The following TRIM4 variants were observed in gnomAD, a reference collection of about 807,000 sequenced individuals.
TRIM4 encodes the protein tripartite motif containing 4, also known as E3 ubiquitin-protein ligase TRIM4.
Under a neutral mutation model 33.7 loss-of-function variants are expected in TRIM4, and 29 were observed. That is an observed-to-expected ratio of 0.86 (90% CI 0.64 to 1.17). The LOEUF (loss-of-function observed/expected upper bound fraction) is 1.17. Ranked by LOEUF, TRIM4 falls within the 50% of genes most tolerant of loss-of-function variation. The pLI, the probability that TRIM4 is intolerant of heterozygous loss-of-function variation, is 0.00. For missense variants in TRIM4, 554 were observed against 593.7 expected (o/e 0.93, Z 0.69); for synonymous variants, 224 against 233.0 (o/e 0.96, Z 0.35).
At chr7:99,898,053 A>G (rs1819062874) in intron 5 of TRIM4, among the ~76,000 whole-genome samples, 1 of 152,220 alleles carries the variant, frequency 6.6e-6, no homozygotes, top group African/African-American at 2.4e-5. Context: ...TGGGCCTGCC[A>G]TGGGGCATCC....
At position 99,897,598 on chromosome 7, in the gene TRIM4, A is replaced by G. The variant is rs372624872; in HGVS notation, c.842-4852T>C. Reference sequence around the variant, plus strand: ...AAAAAAAAGAACAAAAGATTTCTCAAGTCGGTTCTTGCACTCCATGGGGGA... The same window carrying G: ...AAAAAAAAGAACAAAAGATTTCTCAGGTCGGTTCTTGCACTCCATGGGGGA... On this transcript the variant is annotated intron_variant, in intron 5 of 5. Transcript: ENST00000349062. 8.5e-5 allele frequency among the ~76,000 whole-genome samples: 13 copies of G among 152,336 alleles called. No homozygotes were observed. In the East Asian group the frequency reaches 2.1e-3, roughly 25 times the overall value.
In TRIM4 at chr7:99,919,048, G is replaced by A; in HGVS notation, c.354C>T (p.His118=). Residue 118 remains histidine (H), a synonymous_variant, in exon 1 of 6, where the codon CAC becomes CAT. Transcript: ENST00000349062. ...AGGCCTCGTCGATGGGTGCCATGGC[G>A]TGAGTCTGGTGCTCCTGGGACTCCC... ...VCRESQEHQT[H]AMAPIDEAFE... 2 of 1,581,708 alleles carry A rather than the reference G, an allele frequency of 1.3e-6. No homozygotes were observed.
rs1269388662 is a variant in TRIM4, at chr7:99,898,594, G to A, written c.841+4624C>T. 2.0e-5 allele frequency among the ~76,000 whole-genome samples: 3 copies of A among 152,284 alleles called. No individual in the cohort carries two copies. In the East Asian group the frequency reaches 5.8e-4, roughly 29 times the overall value. On this transcript the variant is annotated intron_variant, in intron 5 of 5. Transcript: ENST00000349062. ...CATTGAGACACCATTCTTACTAACTGGGAGAGTATAAAAGCCAGGCACTTC... is the reference window on the plus strand; with the variant it reads ...CATTGAGACACCATTCTTACTAACTAGGAGAGTATAAAAGCCAGGCACTTC...
In TRIM4 at chr7:99,909,736, T is replaced by G. The variant is rs547861447; in HGVS notation, c.394-76A>C. 1,236 of 1,216,798 alleles carry G rather than the reference T, an allele frequency of 1.0e-3. 5 individuals are homozygous for G. Among genetic ancestry groups the G allele is most frequent in the South Asian group, 4.5e-3 (304 of 67,464 alleles). 75.4% of individuals were successfully genotyped at this position (1,216,798 alleles called of 1,614,324 possible). On this transcript the variant is annotated intron_variant, in intron 1 of 5. Transcript: ENST00000349062. ...ATCTTCTTTTTTCTTTTTGTTTTTT[T>G]TTTTTTTTTTTTTTGAGACAAAGTC...
chr7:99,905,805 A>C (rs1229878814), intron 3 of TRIM4, among the ~76,000 whole-genome samples: 2 of 152,238 alleles, frequency 1.3e-5, no homozygotes, highest in Non-Finnish European at 2.9e-5. Context: ...TGAGCAAAAG[A>C]AGCCAGTACG....
At chr7:99,903,120 A>G in intron 5 of TRIM4, 98 bp downstream of exon 5, 1 of 866,522 alleles carries the variant, frequency 1.2e-6, no homozygotes, top group Non-Finnish European at 1.8e-6. Flanking sequence ...ACACTCTATT[A>G]GCTGCATGCT....
In TRIM4 at chr7:99,908,684, C is replaced by T. The variant is rs1377179883; in HGVS notation, c.618G>A (p.Leu206=). 3.1e-6 allele frequency: 5 copies of T among 1,614,192 alleles called. No homozygotes were observed. Among genetic ancestry groups the T allele is most frequent in the Non-Finnish European group, 4.2e-6 (5 of 1,180,034 alleles). Reference sequence around the variant, plus strand: ...GATTGAGTTTTAACGTGTTCTCATTCAGCTTCTTCTTCGTCTCTTCTTCTT... The same window carrying T: ...GATTGAGTTTTAACGTGTTCTCATTTAGCTTCTTCTTCGTCTCTTCTTCTT... The part of the protein sequence containing the change: ...NKEEEETKKK[L]NENTLKLNQT... Residue 206 remains leucine (L), a synonymous_variant, in exon 3 of 6, where the codon CTG becomes CTA. Coordinates refer to ENST00000349062, the MANE Select transcript of TRIM4 (RefSeq NM_033091.3).
intron 5 of TRIM4, among the ~76,000 whole-genome samples, chr7:99,895,623 AATT>A (rs1386245525): frequency 6.6e-6 from 1 of 152,250 alleles, no homozygotes. Context: ...TTATTCTAAA[AATT>A]ATTAAAAGGT....
intron 5 of TRIM4, 56 bp downstream of exon 5, chr7:99,903,162 T>C (rs971250737): frequency 2.2e-6 from 3 of 1,338,084 alleles, no homozygotes; most frequent in South Asian, 2.5e-5. Flanking sequence ...CTTCTCTCTT[T>C]ATTCTCCTAT....
At chr7:99,907,989 T>A (rs1819347109) in intron 3 of TRIM4, among the ~76,000 whole-genome samples, 1 of 152,188 alleles carries the variant, frequency 6.6e-6, no homozygotes, top group Non-Finnish European at 1.5e-5. Flanking sequence ...ACACTTTACC[T>A]ACAGAGGATA....
rs1400835982 is a variant in TRIM4 at position 99,908,734 on chromosome 7, G to A, written c.568C>T (p.Leu190=). Residue 190 remains leucine (L), a synonymous_variant, in exon 3 of 6, where the codon CTG becomes TTG. Coordinates refer to ENST00000349062, the MANE Select transcript of TRIM4 (RefSeq NM_033091.3). The part of the protein sequence containing the change: ...LHNFLVEEED[L]FLQRLNKEEE... Reference sequence around the variant, plus strand: ...TCTTTGTTCAATCTCTGAAGAAACAGGTCCTCTTCTTCAACCAGGAAGTTG... The same window carrying A: ...TCTTTGTTCAATCTCTGAAGAAACAAGTCCTCTTCTTCAACCAGGAAGTTG... The A allele has an allele frequency of 3.7e-6, 6 of 1,613,980 alleles. No homozygotes were observed. The highest frequency in any genetic ancestry group is 1.3e-5 in the African/African-American group (1 of 74,906).
intron 1 of TRIM4, among the ~76,000 whole-genome samples, chr7:99,918,617 G>A (rs1386785872): frequency 1.3e-5 from 2 of 151,634 alleles, no homozygotes; most frequent in African/African-American, 2.4e-5. Context: ...TTGAATATTT[G>A]GGGTAATCAG....
chr7:99,909,159 C>T (rs201446854), intron 2 of TRIM4, among the ~76,000 whole-genome samples: 52 of 81,134 alleles, frequency 6.4e-4, no homozygotes, highest in African/African-American at 9.4e-4. Flanking sequence ...TGTGTGTGTG[C>T]GTGTGTGTGT....
chr7:99,917,978 A>T (rs1819594416), intron 1 of TRIM4: 2 of 350,778 alleles, frequency 5.7e-6, no homozygotes, highest in South Asian at 1.2e-4. Context: ...AAAGTGATTT[A>T]TTCAACCGGA....
At position 99,908,662 on chromosome 7, in the gene TRIM4, T is replaced by C; in HGVS notation, c.640A>G (p.Asn214Asp). ...KKLNENTLKL[N>D]QTIASLKKLI... ...TTCTTCAATGAAGCGATAGTTTGAT[T>C]GAGTTTTAACGTGTTCTCATTCAGC... is the stretch of plus-strand genomic sequence containing the variant. Residue 214 changes from asparagine to aspartate, a missense_variant, in exon 3 of 6, where the codon AAT (asparagine) becomes GAT (aspartate). By Grantham distance (23) the Asn-to-Asp change is conservative. Coordinates refer to ENST00000349062, the MANE Select transcript of TRIM4 (RefSeq NM_033091.3). 1 of 1,614,202 alleles carries C rather than the reference T, an allele frequency of 6.2e-7. No homozygotes were observed. Among genetic ancestry groups the C allele is most frequent in the Admixed American group, 1.7e-5 (1 of 60,028 alleles).
At chr7:99,914,806 CTTTTT>C (rs1173551601) in intron 1 of TRIM4, among the ~76,000 whole-genome samples, 1 of 151,292 alleles carries the variant, frequency 6.6e-6, no homozygotes, top group Non-Finnish European at 1.5e-5. Flanking sequence ...TTCTTTTTTT[CTTTTT>C]TTCTTTTTTT....
In TRIM4 at chr7:99,916,794, A is replaced by C. The variant is rs2571997; in HGVS notation, c.393+2215T>G. ...AAGTTACCTGTCTAAAACAAAAAAA[A>C]CGATCATATCATTCCCTGCCTTAAA... is the stretch of plus-strand genomic sequence containing the variant. On this transcript the variant is annotated intron_variant, in intron 1 of 5. Transcript: ENST00000349062. 0.57 allele frequency: 447,853 copies of C among 780,460 alleles called. 133,486 individuals carry two copies. The highest frequency in any genetic ancestry group is 0.85 in the African/African-American group (50,404 of 59,200). 48.3% of individuals were successfully genotyped at this position (780,460 alleles called of 1,614,324 possible).
chr7:99,913,260 C>T (rs1450061812), intron 1 of TRIM4, among the ~76,000 whole-genome samples: 1 of 152,168 alleles, frequency 6.6e-6, no homozygotes, highest in Non-Finnish European at 1.5e-5. Flanking sequence ...GTTAACTTGA[C>T]AGCCTTGGTG....
At chr7:99,918,490 C>CGGA (rs993672545) in intron 1 of TRIM4, among the ~76,000 whole-genome samples, 17 of 151,508 alleles carry the variant, frequency 1.1e-4, no homozygotes, top group Admixed American at 2.0e-4. Flanking sequence ...GCTTGAACCC[C>CGGA]GGAGGAGGAG....
Sources: allele counts gnomAD v4.1 joint callset (sites outside exome capture counted in the v4.1 genomes callset), GRCh38; gene constraint gnomAD v4.1.1; transcripts MANE v1.5; gene names NCBI Gene and HGNC (gene_info 2026-07-23, HGNC 2026-07-21).